The following MEF2D variants were observed in gnomAD, a reference collection of about 807,000 sequenced individuals.
MEF2D encodes the protein myocyte-specific enhancer factor 2D.
Under a neutral mutation model 59.3 loss-of-function variants are expected in MEF2D, and 10 were observed. The observed-to-expected ratio is 0.17, with a 90% CI of 0.10 to 0.29. The LOEUF is 0.29. Ranked by LOEUF, MEF2D falls within the 10% of genes least tolerant of loss-of-function variation. The probability of loss-of-function intolerance (pLI) is 1.00; values close to 1 mark genes in which losing one functional copy is unlikely to be tolerated. For missense variants in MEF2D, 508 were observed against 699.4 expected (o/e 0.73, Z 3.09); for synonymous variants, 305 against 295.0 (o/e 1.03, Z -0.35).
chr1:156,477,323 A>G, intron 6 of MEF2D, 121 bp from the exon 7 acceptor site: 2 of 811,298 alleles, frequency 2.5e-6, no homozygotes, highest in Non-Finnish European at 3.9e-6. Flanking sequence ...TTAGGCTTTG[A>G]GTGGGGGCTG....
Position 156,469,008 on chromosome 1 carries a change from G to C in MEF2D, c.1019C>G (p.Thr340Ser). The C allele has an allele frequency of 6.3e-7, 1 of 1,597,498 alleles. No homozygotes were observed. The change falls in exon 10 of 12, where the codon ACC becomes AGC. Residue 340 changes from threonine to serine, a missense_variant. By Grantham distance (58) the Thr-to-Ser change is moderately conservative. Transcript: ENST00000348159. ...TGGTAAGGAGGAGAGCTCTGCACTG[G>C]TCAACTGGTAATCTGCATGGAGGAA... ...PTAYNTDYQL[T>S]SAELSSLPAF...
chr1:156,493,457 C>T (rs532558289), intron 1 of MEF2D, among the ~76,000 whole-genome samples: 3 of 152,176 alleles, frequency 2.0e-5, no homozygotes, highest in South Asian at 4.1e-4. Flanking sequence ...ATTGTGGCTG[C>T]GTGGGCCTGC....
chr1:156,470,815 A>G (rs941897407), intron 9 of MEF2D, among the ~76,000 whole-genome samples: 5 of 152,170 alleles, frequency 3.3e-5, no homozygotes, highest in African/African-American at 2.4e-5. Flanking sequence ...AATAATCAAA[A>G]GATTTATCTA....
At chr1:156,498,300 C>T (rs1400302502) in intron 1 of MEF2D, among the ~76,000 whole-genome samples, 2 of 152,026 alleles carry the variant, frequency 1.3e-5, no homozygotes, top group African/African-American at 4.8e-5. Flanking sequence ...CCTCCAAGTC[C>T]TCCACCAATC....
rs371433031 is a variant in MEF2D, at chr1:156,480,933, G to C, written c.297C>G (p.Pro99=). 9 of 1,612,108 alleles carry C rather than the reference G, an allele frequency of 5.6e-6. No individual in the cohort carries two copies. The highest frequency in any genetic ancestry group is 1.7e-5 in the Admixed American group (1 of 59,988). The change falls in exon 4 of 12, where the codon CCC becomes CCG. Residue 99 remains proline (P), a synonymous_variant. Transcript: ENST00000348159. ...CCAGCGAGTCCTCCCCGTCGGGCTCGGGGCTGTCGCAGCCGTTGAAGCCCT... is the reference window on the plus strand; with the variant it reads ...CCAGCGAGTCCTCCCCGTCGGGCTCCGGGCTGTCGCAGCCGTTGAAGCCCT... ...RKKGFNGCDS[P]EPDGEDSLEQ... is the part of the protein sequence containing the mutation.
At chr1:156,480,076 C>G (rs1671895313) in intron 4 of MEF2D, among the ~76,000 whole-genome samples, 1 of 152,102 alleles carries the variant, frequency 6.6e-6, no homozygotes. Flanking sequence ...AGGGACACCC[C>G]CTAGTGGAGG....
At chr1:156,482,012 A>G (rs1471693272) in intron 3 of MEF2D, among the ~76,000 whole-genome samples, 2 of 152,236 alleles carry the variant, frequency 1.3e-5, no homozygotes, top group Non-Finnish European at 2.9e-5. Flanking sequence ...CCACAAACAG[A>G]CAGAGACAGC....
intron 1 of MEF2D, among the ~76,000 whole-genome samples, chr1:156,494,702 C>T (rs1056364138): frequency 1.3e-5 from 2 of 152,212 alleles, no homozygotes; most frequent in Admixed American, 6.5e-5. Flanking sequence ...CTTTTTCTGG[C>T]GGAAACTCCT....
intron 1 of MEF2D, among the ~76,000 whole-genome samples, chr1:156,495,776 A>AAAAAAAAAAAAAAAC (rs1673097057): frequency 1.3e-5 from 2 of 150,706 alleles, no homozygotes; most frequent in East Asian, 1.9e-4. Flanking sequence ...AAAAAAAAAA[A>AAAAAAAAAAAAAAAC]AAGCTCCCTC....
intron 1 of MEF2D, among the ~76,000 whole-genome samples, chr1:156,487,853 A>G (rs1395194884): frequency 6.6e-6 from 1 of 152,234 alleles, no homozygotes; most frequent in Admixed American, 6.5e-5. Flanking sequence ...TCCTCTAGGA[A>G]GCCCTCGCAG....
At position 156,469,406 on chromosome 1, in the gene MEF2D, T is replaced by A. The variant is rs556469201; in HGVS notation, c.1007-386A>T. Among the ~76,000 whole-genome samples, 9 of 151,908 alleles carry A rather than the reference T, an allele frequency of 5.9e-5. No individual in the cohort carries two copies. The South Asian group carries it at 1.2e-3, about 21-fold the overall frequency. On this transcript the variant is annotated intron_variant, in intron 9 of 11. Coordinates refer to ENST00000348159, the MANE Select transcript of MEF2D (RefSeq NM_005920.4). ...CTAAATGGCTGGGATTACAGGCACA[T>A]GCCACCACGCCCAGCTAATTTTTGT...
At chr1:156,467,797 G>C in intron 11 of MEF2D, 141 bp from the exon 12 acceptor site, 1 of 1,073,672 alleles carries the variant, frequency 9.3e-7, no homozygotes, top group Non-Finnish European at 1.3e-6. Context: ...CGAGCAGAAG[G>C]ACTGATGCTG....
At chr1:156,471,075 A>G (rs1571219624) in intron 9 of MEF2D, among the ~76,000 whole-genome samples, 1 of 152,114 alleles carries the variant, frequency 6.6e-6, no homozygotes, top group African/African-American at 2.4e-5. Flanking sequence ...TTCTTTTTTG[A>G]GACAGAGTCT....
At chr1:156,478,306 CCA>C (rs1671751052) in intron 6 of MEF2D, among the ~76,000 whole-genome samples, 1 of 152,134 alleles carries the variant, frequency 6.6e-6, no homozygotes, top group Admixed American at 6.5e-5. Context: ...GTGAGAGTGA[CCA>C]CAGTCAGAAA....
At chr1:156,484,004 G>C (rs1672184696) in intron 1 of MEF2D, 1 of 152,290 alleles carries the variant, frequency 6.6e-6, no homozygotes, top group South Asian at 2.1e-4. Flanking sequence ...GTGGGGCTTG[G>C]GGTTGTAGCA....
chr1:156,498,604 T>TC (rs910475397), intron 1 of MEF2D, among the ~76,000 whole-genome samples: 22 of 131,534 alleles, frequency 1.7e-4, no homozygotes, highest in African/African-American at 5.9e-4. Context: ...CCTTCCCCCC[T>TC]CCCCCCCTTC....
chr1:156,479,713 G>A lies in MEF2D; in HGVS notation c.480C>T (p.Ser160=), dbSNP rs572015737. Residue 160 remains serine (S), a synonymous_variant, in exon 5 of 12, where the codon AGC becomes AGT. Transcript: ENST00000348159. ...NQSSLQFSNP[S]GSLVTPSLVT... Reference sequence around the variant, plus strand: ...CCAGGGAAGGGGTGACCAGGGAGCCGCTGGGATTGCTGAACTGCAGTGAGC... The same window carrying A: ...CCAGGGAAGGGGTGACCAGGGAGCCACTGGGATTGCTGAACTGCAGTGAGC... 243 of 1,551,552 alleles carry A rather than the reference G, an allele frequency of 1.6e-4. 1 individual carries two copies. Among genetic ancestry groups the A allele is most frequent in the Non-Finnish European group, 1.9e-4 (214 of 1,146,984 alleles).
At chr1:156,476,619 G>A in intron 7 of MEF2D, 105 bp from the exon 8 acceptor site, 1 of 1,426,542 alleles carries the variant, frequency 7.0e-7, no homozygotes, top group East Asian at 2.4e-5. Context: ...CATAAGAGTA[G>A]GGTGGCTCTA....
chr1:156,481,068 C>T, intron 3 of MEF2D, 97 bp from the exon 4 acceptor site: 2 of 1,547,118 alleles, frequency 1.3e-6, no homozygotes, highest in East Asian at 2.2e-5. Flanking sequence ...CCTACTCTTC[C>T]CCGACCTCCT....
Sources: allele counts gnomAD v4.1 joint callset (sites outside exome capture counted in the v4.1 genomes callset), GRCh38; gene constraint gnomAD v4.1.1; transcripts MANE v1.5; gene names NCBI Gene and HGNC (gene_info 2026-07-23, HGNC 2026-07-21).